Variants in ARPC2 observed in about 807,000 individuals in gnomAD.
The protein encoded by ARPC2 is actin-related protein 2/3 complex subunit 2.
A neutral mutation model predicts 38.6 loss-of-function variants in ARPC2; 4 were observed. That is an observed-to-expected ratio of 0.10 (90% confidence interval 0.05 to 0.24). The LOEUF (loss-of-function observed/expected upper bound fraction) is 0.24, where lower values mean the gene tolerates loss of function less well. Ranked by LOEUF, ARPC2 falls within the 10% of genes least tolerant of loss-of-function variation. ARPC2 has a pLI of 1.00. For synonymous variants in ARPC2, 125 were observed against 140.8 expected (o/e 0.89, Z 0.79); for missense variants, 229 against 387.3 (o/e 0.59, Z 3.43).
chr2:218,229,422 A>G (rs1452425904), intron 4 of ARPC2: 3 of 152,266 alleles, frequency 2.0e-5, no homozygotes, highest in African/African-American at 7.2e-5. Flanking sequence ...GTTGAACTGT[A>G]TTTGCTCTGA....
intron 2 of ARPC2, among the ~76,000 whole-genome samples, chr2:218,225,308 C>T (rs765987205): frequency 1.5e-4 from 23 of 151,964 alleles, no homozygotes; most frequent in South Asian, 8.3e-4. Flanking sequence ...TTTTAAGTTC[C>T]GAGCTGGAAT....
chr2:218,238,564 G>A, intron 5 of ARPC2, 100 bp from the exon 6 acceptor site: 1 of 906,770 alleles, frequency 1.1e-6, no homozygotes, highest in Non-Finnish European at 1.6e-6. Context: ...TCTAGTCTCT[G>A]TTTACTTGGT....
intron 5 of ARPC2, chr2:218,235,712 CCTT>C (rs1466647025): frequency 6.6e-6 from 1 of 152,230 alleles, no homozygotes; most frequent in Admixed American, 6.5e-5. Context: ...CCCTGGGCCT[CCTT>C]CTACCTCCCA....
chr2:218,226,015 C>T, intron 3 of ARPC2, 61 bp downstream of exon 3: 3 of 1,564,918 alleles, frequency 1.9e-6, no homozygotes, highest in East Asian at 2.3e-5. Context: ...AGGAAATAGG[C>T]TGGGTGCAGT....
At chr2:218,252,609 G>A (rs188221835) in intron 10 of ARPC2, among the ~76,000 whole-genome samples, 57 of 152,320 alleles carry the variant, frequency 3.7e-4, no homozygotes, top group Middle Eastern at 6.8e-3. Context: ...TGGCAGCCAG[G>A]TACAGTGAGA....
chr2:218,245,328 A>C, intron 7 of ARPC2, 92 bp from the exon 8 acceptor site: 1 of 1,526,790 alleles, frequency 6.5e-7, no homozygotes, highest in Non-Finnish European at 8.9e-7. Context: ...AGGGCTACAA[A>C]GGTCACACCA....
Position 218,242,317 on chromosome 2 carries a change from C to G in ARPC2, c.549+2833C>G, listed in dbSNP as rs192578746. Among the ~76,000 whole-genome samples the G allele has an allele frequency of 2.7e-3, 415 of 152,244 alleles. 6 individuals carry two copies. The highest frequency in any genetic ancestry group is 3.7e-3 in the Non-Finnish European group (253 of 68,020). On this transcript the variant is annotated intron_variant, in intron 7 of 10. Coordinates refer to ENST00000315717, the MANE Select transcript of ARPC2 (RefSeq NM_152862.3). ...CAGTAATTATGCTTTTGGAGATTAG[C>G]TTATGGTGAACTAGAATTCTTTTCA...
At chr2:218,225,642 T>C (rs9789363) in intron 2 of ARPC2, among the ~76,000 whole-genome samples, 138,645 of 152,284 alleles carry the variant, frequency 0.91, 64,408 homozygotes, top group East Asian at 1. Flanking sequence ...GAATTGAAAG[T>C]GAGCACCAAC....
intron 2 of ARPC2, among the ~76,000 whole-genome samples, chr2:218,221,452 G>C (rs1037526038): frequency 6.6e-6 from 1 of 152,214 alleles, no homozygotes; most frequent in Non-Finnish European, 1.5e-5. Context: ...GTCCAACTCA[G>C]TAAGAAGACC....
chr2:218,245,299 T>A, intron 7 of ARPC2, 121 bp from the exon 8 acceptor site: 1 of 1,276,876 alleles, frequency 7.8e-7, no homozygotes, highest in East Asian at 2.3e-5. Flanking sequence ...AGTTTATTTT[T>A]AACCTCCTGC....
In ARPC2 at chr2:218,228,826, A is replaced by T; in HGVS notation, c.198A>T (p.Glu66Asp). The change falls in exon 4 of 11, where the codon GAA becomes GAT. Residue 66 changes from glutamate to aspartate, a missense_variant. Physicochemically the swap from Glu to Asp is conservative, Grantham distance 45. Coordinates refer to ENST00000315717, the MANE Select transcript of ARPC2 (RefSeq NM_152862.3). ...GTATTTCTTTGAAATTCTACAAGGA[A>T]CTTCAGGCACATGGTGCTGATGAGG... ...MVSISLKFYK[E>D]LQAHGADELL... 6.2e-7 allele frequency: 1 copy of T among 1,603,944 alleles called. No homozygotes were observed. The highest frequency in any genetic ancestry group is 8.5e-7 in the Non-Finnish European group (1 of 1,170,806).
At chr2:218,246,861 C>G (rs1428201241) in intron 8 of ARPC2, among the ~76,000 whole-genome samples, 2 of 152,064 alleles carry the variant, frequency 1.3e-5, no homozygotes, top group Non-Finnish European at 2.9e-5. Context: ...GTCTATAGTC[C>G]CAGCTACTCG....
At chr2:218,250,012 C>CCAGTGCCCAGATACA in intron 10 of ARPC2, 91 bp downstream of exon 10, 1 of 1,121,250 alleles carries the variant, frequency 8.9e-7, no homozygotes, top group Non-Finnish European at 1.3e-6. Flanking sequence ...CTCCATGTAT[C>CCAGTGCCCAGATACA]TGGGCACTGG....
At chr2:218,218,046 C>G (rs1689296465) in intron 2 of ARPC2, among the ~76,000 whole-genome samples, 1 of 152,194 alleles carries the variant, frequency 6.6e-6, no homozygotes, top group South Asian at 2.1e-4. Context: ...TTAAAAGGAG[C>G]AGAAGAGAAG....
rs1574570758 is a variant in ARPC2, at chr2:218,217,226, G to A, written c.-37G>A. The A allele has an allele frequency of 1.9e-5, 9 of 470,058 alleles. No homozygotes were observed. Among genetic ancestry groups the A allele is most frequent in the Non-Finnish European group, 3.4e-5 (9 of 266,394 alleles). 29.1% of individuals were successfully genotyped at this position (470,058 alleles called of 1,614,324 possible). The stretch of plus-strand genomic sequence containing the variant: ...GCAGTGGCGGCGGCGGCGGCGGCTC[G>A]GCAGGCGGGTTCAGGCTTCGGGGGC... On this transcript the variant is annotated 5_prime_UTR_variant, in exon 1 of 11. Coordinates refer to ENST00000315717, the MANE Select transcript of ARPC2 (RefSeq NM_152862.3).
At chr2:218,231,619 G>C (rs1251627339) in intron 4 of ARPC2, among the ~76,000 whole-genome samples, 1 of 152,046 alleles carries the variant, frequency 6.6e-6, no homozygotes, top group Admixed American at 6.6e-5. Flanking sequence ...AGAAACTCTC[G>C]TGACCTTGAG....
At chr2:218,246,160 T>C (rs1301568993) in intron 8 of ARPC2, among the ~76,000 whole-genome samples, 1 of 149,734 alleles carries the variant, frequency 6.7e-6, no homozygotes, top group African/African-American at 2.5e-5. Context: ...GAGGTTGTAA[T>C]GAGCTGAGAT....
In ARPC2 at chr2:218,234,939, A is replaced by G. The variant is rs1190436117; in HGVS notation, c.268+542A>G. The G allele has an allele frequency of 4.9e-5, 22 of 446,350 alleles. 1 individual carries two copies. The highest frequency in any genetic ancestry group is 2.1e-4 in the East Asian group (3 of 14,164). 27.6% of individuals were successfully genotyped at this position (446,350 alleles called of 1,614,324 possible). ...TAGAACAGCTATGTTATACTGCTTT[A>G]AAAAGGAGGTTTAAAGTGGAAAAAC... On this transcript the variant is annotated intron_variant, in intron 5 of 10. Coordinates refer to ENST00000315717, the MANE Select transcript of ARPC2 (RefSeq NM_152862.3).
At chr2:218,251,402 C>T (rs1328676161) in intron 10 of ARPC2, among the ~76,000 whole-genome samples, 5 of 151,516 alleles carry the variant, frequency 3.3e-5, no homozygotes, top group Admixed American at 3.3e-4. Flanking sequence ...TTAATAGAGA[C>T]AGGGTTTCAC....
Sources: gnomAD v4.1 joint callset for allele counts (sites outside exome capture counted in the v4.1 genomes callset) on GRCh38, gnomAD v4.1.1 for gene constraint, MANE v1.5 for transcripts, NCBI Gene and HGNC (gene_info 2026-07-23, HGNC 2026-07-21) for gene names.